DPY19L4: variants seen among roughly 807,000 people sequenced by gnomAD.
The protein encoded by DPY19L4 is dpy-19 like 4.
A neutral mutation model predicts 102.8 loss-of-function variants in DPY19L4; 97 were observed. The observed-to-expected ratio is 0.94, with a 90% confidence interval of 0.80 to 1.12. The LOEUF (loss-of-function observed/expected upper bound fraction) is 1.12. DPY19L4 is among the 50% of genes most tolerant of loss of function. The pLI is 0.00. For missense variants in DPY19L4, 815 were observed against 850.4 expected (o/e 0.96, Z 0.52); for synonymous variants, 252 against 283.1 (o/e 0.89, Z 1.10).
rs181662393 is a variant in DPY19L4 at position 94,770,677 on chromosome 8, C to T, written c.1454+106C>T. ...CTTTGGGAGGCCAAGGCGGGTGGCTCACCTGAGTTCAGGAGTTTGAGACAG... is the reference window on the plus strand; with the variant it reads ...CTTTGGGAGGCCAAGGCGGGTGGCTTACCTGAGTTCAGGAGTTTGAGACAG... On this transcript the variant is annotated intron_variant, in intron 13 of 18. Transcript: ENST00000414645. 71 of 1,427,824 alleles carry T rather than the reference C, an allele frequency of 5.0e-5. 2 individuals are homozygous for T. The Admixed American group carries it at 1.4e-3, about 28-fold the overall frequency. The allele number at this position is 1,427,824 out of a possible 1,614,324, so 88.4% of individuals were successfully genotyped here.
intron 2 of DPY19L4, among the ~76,000 whole-genome samples, chr8:94,729,166 C>T (rs147849720): frequency 6.6e-6 from 1 of 151,750 alleles, no homozygotes; most frequent in Admixed American, 6.6e-5. Flanking sequence ...GTCAGGAGAT[C>T]GAGACCATCC....
chr8:94,726,158 T>C (rs1352888967), intron 1 of DPY19L4, among the ~76,000 whole-genome samples, 173 bp from the exon 2 acceptor site: 1 of 152,202 alleles, frequency 6.6e-6, no homozygotes, highest in African/African-American at 2.4e-5. Flanking sequence ...ATTGTCTTTT[T>C]TTAGACAAAA....
intron 6 of DPY19L4, among the ~76,000 whole-genome samples, chr8:94,743,038 A>T (rs925592411): frequency 5.3e-5 from 8 of 149,760 alleles, no homozygotes; most frequent in East Asian, 2.0e-4. Context: ...TTATTTATTT[A>T]TTTTTTGAGA....
intron 7 of DPY19L4, among the ~76,000 whole-genome samples, chr8:94,758,515 C>T (rs547408981): frequency 1.3e-5 from 2 of 152,272 alleles, no homozygotes; most frequent in African/African-American, 4.8e-5. Flanking sequence ...CCTTAATAAT[C>T]ACATCCTTCC....
At chr8:94,781,827 G>A (rs534956640) in intron 16 of DPY19L4, among the ~76,000 whole-genome samples, 3 of 152,278 alleles carry the variant, frequency 2.0e-5, no homozygotes, top group South Asian at 2.1e-4. Flanking sequence ...TTTATAGTTC[G>A]AAATTATACT....
chr8:94,727,350 C>T (rs943380575), intron 2 of DPY19L4, among the ~76,000 whole-genome samples: 2 of 152,220 alleles, frequency 1.3e-5, no homozygotes, highest in Admixed American at 1.3e-4. Context: ...TGTCCTGCCT[C>T]AGCCTCCTCA....
Position 94,793,257 on chromosome 8 carries a change from T to TA in DPY19L4, c.*3353dup, listed in dbSNP as rs1438979114. ...TAAATTGAGACTGAAAAACATGCTT[T>TA]AAAAAATAGATTTAATTTCTTACAC... On this transcript the variant is annotated 3_prime_UTR_variant, in exon 19 of 19. Coordinates refer to ENST00000414645, the MANE Select transcript of DPY19L4 (RefSeq NM_181787.3). 6.6e-6 allele frequency: 1 copy of TA among 152,200 alleles called. No homozygotes were observed. Among genetic ancestry groups the TA allele is most frequent in the Non-Finnish European group, 1.5e-5 (1 of 68,034 alleles). The allele number at this position is 152,200 out of a possible 1,614,324, so 9.4% of individuals were successfully genotyped here. A position where few individuals can be genotyped will look rare whatever the true frequency, so the allele number is the denominator to read the frequency against.
At chr8:94,764,681 C>CTGTGTGTGTGTGTGTGTGTGTGTG (rs1283759337) in intron 8 of DPY19L4, among the ~76,000 whole-genome samples, 2 of 70,056 alleles carry the variant, frequency 2.9e-5, no homozygotes, top group African/African-American at 5.9e-5. Context: ...GTGTGTGTGT[C>CTGTGTGTGTGTGTGTGTGTGTGTG]TGTGTGTGTA....
chr8:94,789,800 C>A lies in DPY19L4; in HGVS notation c.2062C>A (p.His688Asn), dbSNP rs1813817292. ...LTYSKYGRFC[H>N]EVKINYSPYV... Reference sequence around the variant, plus strand: ...CTACTCAAAATATGGGCGATTTTGTCATGAGGTCAAAATTAACTATTCTCC... The same window carrying A: ...CTACTCAAAATATGGGCGATTTTGTAATGAGGTCAAAATTAACTATTCTCC... The change falls in exon 19 of 19, where the codon CAT (histidine) becomes AAT (asparagine). Residue 688 changes from histidine (H) to asparagine (N), a missense_variant. His to Asn is a moderately conservative substitution (Grantham distance 68). Transcript: ENST00000414645. The A allele has an allele frequency of 1.3e-5, 21 of 1,611,724 alleles. No homozygotes were observed. In the East Asian group the frequency reaches 4.7e-4, roughly 36 times the overall value.
chr8:94,734,700 T>C lies in DPY19L4; in HGVS notation c.198T>C (p.Tyr66=). ...CAGCGGTTACTAGTGGTATGATGTA[T>C]GCTCTCTACTTATCAGCATACCATG... ...CLAAVTSGMM[Y]ALYLSAYHER... Residue 66 remains tyrosine (Y), a synonymous_variant, in exon 3 of 19, where the codon TAT becomes TAC. Transcript: ENST00000414645. 1 of 1,614,130 alleles carries C rather than the reference T, an allele frequency of 6.2e-7. No homozygotes were observed. Among genetic ancestry groups the C allele is most frequent in the Non-Finnish European group, 8.5e-7 (1 of 1,179,998 alleles).
chr8:94,722,129 C>T (rs907773754), intron 1 of DPY19L4, among the ~76,000 whole-genome samples: 6 of 139,624 alleles, frequency 4.3e-5, no homozygotes, highest in South Asian at 2.3e-4. Context: ...AAATTAAGGC[C>T]GGGCAAGGTG....
intron 1 of DPY19L4, among the ~76,000 whole-genome samples, chr8:94,724,272 T>C (rs536291501): frequency 6.6e-6 from 1 of 152,338 alleles, no homozygotes; most frequent in African/African-American, 2.4e-5. Context: ...TGTTTTAAAG[T>C]CCAATGCTAT....
At chr8:94,769,270 AG>A (rs1812821098) in intron 12 of DPY19L4, among the ~76,000 whole-genome samples, 1 of 151,822 alleles carries the variant, frequency 6.6e-6, no homozygotes, top group Admixed American at 6.6e-5. Flanking sequence ...CATGTTGGTC[AG>A]GTTGGTCTCA....
intron 18 of DPY19L4, among the ~76,000 whole-genome samples, chr8:94,788,640 C>A (rs1419074429): frequency 1.2e-5 from 1 of 81,650 alleles, no homozygotes; most frequent in African/African-American, 3.9e-5. Context: ...AAGACTGACG[C>A]ACGCGCGCGC....
At chr8:94,740,159 C>T (rs574991287) in intron 6 of DPY19L4, among the ~76,000 whole-genome samples, 2 of 152,222 alleles carry the variant, frequency 1.3e-5, no homozygotes, top group African/African-American at 4.8e-5. Context: ...TAGCTCTGGC[C>T]GATGCCTTGA....
At chr8:94,763,975 G>C (rs1812517156) in intron 8 of DPY19L4, among the ~76,000 whole-genome samples, 2 of 152,084 alleles carry the variant, frequency 1.3e-5, no homozygotes, top group African/African-American at 4.8e-5. Flanking sequence ...AGTCTGGCCT[G>C]TTTTTTAGCA....
chr8:94,729,667 T>A (rs537924672), intron 2 of DPY19L4, among the ~76,000 whole-genome samples: 14 of 118,264 alleles, frequency 1.2e-4, no homozygotes, highest in African/African-American at 4.0e-4. Flanking sequence ...ACAAAAAAAT[T>A]AAAAAAAAAA....
intron 3 of DPY19L4, 75 bp downstream of exon 3, chr8:94,734,829 A>C: frequency 1.3e-6 from 2 of 1,589,670 alleles, no homozygotes; most frequent in Non-Finnish European, 1.7e-6. Flanking sequence ...TAAGTATGAC[A>C]AGTGCTGTCT....
chr8:94,733,024 G>C (rs982645633), intron 2 of DPY19L4, among the ~76,000 whole-genome samples: 2 of 148,382 alleles, frequency 1.3e-5, no homozygotes, highest in Non-Finnish European at 3.0e-5. Context: ...ATGTTACCCA[G>C]TCTGGTTTCA....
Sources: gnomAD v4.1 joint callset for allele counts (sites outside exome capture counted in the v4.1 genomes callset) on GRCh38, gnomAD v4.1.1 for gene constraint, MANE v1.5 for transcripts, NCBI Gene and HGNC (gene_info 2026-07-23, HGNC 2026-07-21) for gene names.